The following ST7 variants were observed in gnomAD, a reference collection of about 807,000 sequenced individuals.
The protein encoded by ST7 is suppressor of tumorigenicity 7 protein.
Under a neutral mutation model 78.7 loss-of-function variants are expected in ST7, and 28 were observed. The observed-to-expected ratio is 0.36, with a 90% CI of 0.26 to 0.49. The LOEUF (loss-of-function observed/expected upper bound fraction) is 0.49. Among genes scored for constraint, ST7 ranks in the 20% least tolerant of loss-of-function variants. The probability of loss-of-function intolerance (pLI) is 0.99; values close to 1 mark genes in which losing one functional copy is unlikely to be tolerated. For synonymous variants in ST7, 247 were observed against 249.6 expected, an observed-to-expected ratio of 0.99 and a Z score of 0.10; for missense variants, 418 against 696.0, an observed-to-expected ratio of 0.60 and a Z score of 4.49.
At chr7:117,223,684 A>G (rs1793261430) in intron 15 of ST7, 1 of 152,414 alleles carries the variant, frequency 6.6e-6, no homozygotes, top group Non-Finnish European at 1.5e-5. Flanking sequence ...AAGTTCTTCT[A>G]AGCTGAGTTA....
At chr7:117,002,813 C>CTTTTTTTTTTTT (rs397970060) in intron 1 of ST7, among the ~76,000 whole-genome samples, 2 of 72,146 alleles carry the variant, frequency 2.8e-5, no homozygotes, top group Non-Finnish European at 4.7e-5. Flanking sequence ...ATTTTTTTTC[C>CTTTTTTTTTTTT]TTTTTTTTTT....
At chr7:117,044,102 C>T (rs1394322616) in intron 1 of ST7, among the ~76,000 whole-genome samples, 2 of 152,174 alleles carry the variant, frequency 1.3e-5, no homozygotes, top group Non-Finnish European at 2.9e-5. Context: ...GGTTCTTAAA[C>T]ACTTACCTTT....
intron 2 of ST7, among the ~76,000 whole-genome samples, chr7:117,114,414 A>AG (rs1013447494): frequency 7.9e-5 from 12 of 152,182 alleles, no homozygotes; most frequent in African/African-American, 2.4e-4. Flanking sequence ...CAAAAAAAAA[A>AG]AAACTGTTTA....
intron 1 of ST7, among the ~76,000 whole-genome samples, chr7:116,994,920 C>T (rs993725356): frequency 6.6e-6 from 1 of 151,974 alleles, no homozygotes; most frequent in African/African-American, 2.4e-5. Context: ...TTTTTTTTAC[C>T]GTTTCCTTCT....
At chr7:117,215,107 C>T (rs1792592040) in intron 13 of ST7, among the ~76,000 whole-genome samples, 1 of 151,912 alleles carries the variant, frequency 6.6e-6, no homozygotes, top group Non-Finnish European at 1.5e-5. Context: ...GCTGTAAGAC[C>T]CTAGAATTTC....
At chr7:117,193,003 G>C (rs997385418) in intron 12 of ST7, among the ~76,000 whole-genome samples, 1 of 152,142 alleles carries the variant, frequency 6.6e-6, no homozygotes, top group Admixed American at 6.5e-5. Flanking sequence ...TTGTGCTGAG[G>C]GGGAGATGTG....
chr7:117,007,776 G>A (rs1037276323), intron 1 of ST7, among the ~76,000 whole-genome samples: 1 of 152,074 alleles, frequency 6.6e-6, no homozygotes, highest in African/African-American at 2.4e-5. Flanking sequence ...TTCATTTTAC[G>A]AAACTGAAGT....
chr7:116,955,036 A>G (rs1346236844), intron 1 of ST7: 4 of 449,414 alleles, frequency 8.9e-6, no homozygotes, highest in Admixed American at 2.7e-5. Context: ...TTGTCTCACC[A>G]TTTGAATAGG....
rs117650416 is a variant in ST7 at position 117,211,250 on chromosome 7, C to T, written c.1405+1313C>T. On this transcript the variant is annotated intron_variant, in intron 13 of 15. Transcript: ENST00000323984. ...TGAAGGAGGATTTTATCAGTGCCTCCGCCCCTCCTCAGTAAGTGTAATAGC... is the reference window on the plus strand; with the variant it reads ...TGAAGGAGGATTTTATCAGTGCCTCTGCCCCTCCTCAGTAAGTGTAATAGC... Among the ~76,000 whole-genome samples, 1,110 of 152,238 alleles carry T rather than the reference C, an allele frequency of 7.3e-3. 15 individuals carry two copies. Among genetic ancestry groups the T allele is most frequent in the Middle Eastern group, 0.017 (5 of 294 alleles).
intron 1 of ST7, among the ~76,000 whole-genome samples, chr7:117,052,711 G>A (rs1029744770): frequency 6.6e-6 from 1 of 152,152 alleles, no homozygotes; most frequent in African/African-American, 2.4e-5. Flanking sequence ...TGGCTAACAC[G>A]GTGAAACCCC....
At chr7:117,160,373 A>G (rs1261757357) in intron 9 of ST7, among the ~76,000 whole-genome samples, 2 of 151,986 alleles carry the variant, frequency 1.3e-5, no homozygotes, top group Non-Finnish European at 2.9e-5. Flanking sequence ...GGATCTCTAC[A>G]TGTAGTGGGA....
At chr7:117,136,524 T>G in intron 8 of ST7, 1 of 551,402 alleles carries the variant, frequency 1.8e-6, no homozygotes, top group Non-Finnish European at 3.2e-6. Flanking sequence ...CCTGAGTTCT[T>G]ACATATTTCT....
At chr7:117,006,443 G>C (rs1175810334) in intron 1 of ST7, among the ~76,000 whole-genome samples, 1 of 152,172 alleles carries the variant, frequency 6.6e-6, no homozygotes, top group South Asian at 2.1e-4. Context: ...GCATTGCTAG[G>C]CATTAGATGT....
At chr7:117,207,434 G>A (rs537155164) in intron 12 of ST7, among the ~76,000 whole-genome samples, 22 of 152,166 alleles carry the variant, frequency 1.4e-4, no homozygotes, top group Middle Eastern at 3.4e-3. Flanking sequence ...GAGCCACCGC[G>A]CCCAGCCCTG....
At chr7:117,011,606 T>C (rs533563268) in intron 1 of ST7, among the ~76,000 whole-genome samples, 3 of 152,314 alleles carry the variant, frequency 2.0e-5, no homozygotes, top group East Asian at 1.9e-4. Context: ...GTAATGATTC[T>C]TTCTCCAACC....
intron 1 of ST7, among the ~76,000 whole-genome samples, chr7:116,992,014 G>C (rs886178055): frequency 6.6e-6 from 1 of 152,196 alleles, no homozygotes; most frequent in Non-Finnish European, 1.5e-5. Flanking sequence ...TCACACTGAT[G>C]CAAGAGGTGG....
intron 1 of ST7, among the ~76,000 whole-genome samples, chr7:117,039,669 A>G (rs1797104063): frequency 6.6e-6 from 1 of 152,322 alleles, no homozygotes; most frequent in South Asian, 2.1e-4. Context: ...CCTTTTATGT[A>G]GGAAAAATAC....
intron 1 of ST7, among the ~76,000 whole-genome samples, chr7:117,027,806 C>G (rs1796285328): frequency 6.6e-6 from 1 of 152,162 alleles, no homozygotes; most frequent in Non-Finnish European, 1.5e-5. Context: ...TTCAGAGCCA[C>G]CACTGGGCTC....
At chr7:117,185,599 C>A (rs773842180) in intron 10 of ST7, among the ~76,000 whole-genome samples, 1 of 152,182 alleles carries the variant, frequency 6.6e-6, no homozygotes, top group Non-Finnish European at 1.5e-5. Flanking sequence ...TTTTCATATA[C>A]ATATGTATTT....
Sources: allele counts gnomAD v4.1 joint callset (sites outside exome capture counted in the v4.1 genomes callset), GRCh38; gene constraint gnomAD v4.1.1; transcripts MANE v1.5; gene names NCBI Gene and HGNC (gene_info 2026-07-23, HGNC 2026-07-21).